DCAF5: variants seen among roughly 807,000 people sequenced by gnomAD.
DCAF5 encodes the protein DDB1 and CUL4 associated factor 5.
In DCAF5, 9 loss-of-function variants were observed where a neutral mutation model predicts 80.7. That is an observed-to-expected ratio of 0.11 (90% CI 0.07 to 0.19). DCAF5 has a LOEUF of 0.19. Among genes scored for constraint, DCAF5 ranks in the 10% least tolerant of loss-of-function variants. The pLI is 1.00. For missense variants in DCAF5, 842 were observed against 1,205.7 expected, an observed-to-expected ratio of 0.70 and a Z score of 4.47; for synonymous variants, 433 against 461.9, an observed-to-expected ratio of 0.94 and a Z score of 0.80.
At chr14:69,075,150 T>C (rs936507587) in intron 7 of DCAF5, among the ~76,000 whole-genome samples, 195 bp downstream of exon 7, 9 of 152,182 alleles carry the variant, frequency 5.9e-5, no homozygotes, top group African/African-American at 2.2e-4. Context: ...TAAGCATCAT[T>C]TATGTCAGAT....
chr14:69,067,018 T>C (rs955500889), intron 7 of DCAF5, among the ~76,000 whole-genome samples: 3 of 152,216 alleles, frequency 2.0e-5, no homozygotes, highest in Admixed American at 6.5e-5. Context: ...CCACTTCCCG[T>C]CTTCCTCTGT....
At chr14:69,064,420 A>G (rs984674476) in intron 7 of DCAF5, among the ~76,000 whole-genome samples, 19 of 152,208 alleles carry the variant, frequency 1.2e-4, no homozygotes, top group African/African-American at 4.6e-4. Context: ...TACTGCCTCA[A>G]AAAGAGGGGG....
intron 1 of DCAF5, among the ~76,000 whole-genome samples, chr14:69,135,155 T>C (rs900018918): frequency 5.9e-5 from 9 of 152,224 alleles, no homozygotes; most frequent in African/African-American, 2.2e-4. Flanking sequence ...CAAAATTTTT[T>C]TCGCAATAAC....
intron 6 of DCAF5, among the ~76,000 whole-genome samples, chr14:69,077,433 G>A (rs1299645186): frequency 6.6e-6 from 1 of 150,710 alleles, no homozygotes; most frequent in Non-Finnish European, 1.5e-5. Context: ...ACCCAGGCTG[G>A]AGTGCAGTGG....
At position 69,055,617 on chromosome 14, in the gene DCAF5, C is replaced by T. The variant is rs774468788; in HGVS notation, c.1075-6G>A. 14 of 1,581,616 alleles carry T rather than the reference C, an allele frequency of 8.9e-6. No individual in the cohort carries two copies. In the South Asian group the frequency reaches 1.5e-4, roughly 17 times the overall value. ...TGCTTGTATGGGCTCCAGATCTGAA[C>T]AGAAAATGAAAAACAAAAGCAACAA... On this transcript the variant is annotated splice_polypyrimidine_tract_variant and splice_region_variant and intron_variant, in intron 8 of 8. Coordinates refer to ENST00000341516, the MANE Select transcript of DCAF5 (RefSeq NM_003861.3). The surrounding 1 kb of genome is among the most constrained non-coding windows in gnomAD (Gnocchi z 5.6).
At chr14:69,136,548 T>G (rs1387079335) in intron 1 of DCAF5, among the ~76,000 whole-genome samples, 1 of 152,228 alleles carries the variant, frequency 6.6e-6, no homozygotes, top group Non-Finnish European at 1.5e-5. Flanking sequence ...TTTTTTTAAT[T>G]TTGGAAAATA....
rs1594928266 is a variant in DCAF5, at chr14:69,060,197, G to C, written c.1074+2187C>G. Among the ~76,000 whole-genome samples, 3 of 152,238 alleles carry C rather than the reference G, an allele frequency of 2.0e-5. No homozygotes were observed. In the East Asian group the frequency reaches 5.8e-4, roughly 30 times the overall value. On this transcript the variant is annotated intron_variant, in intron 8 of 8. Coordinates refer to ENST00000341516, the MANE Select transcript of DCAF5 (RefSeq NM_003861.3). Reference sequence around the variant, plus strand: ...ATGCAAGGGACTGGGCCATTTCAATGACTGCCCTACTGAAAGGATAGAATC... The same window carrying C: ...ATGCAAGGGACTGGGCCATTTCAATCACTGCCCTACTGAAAGGATAGAATC...
intron 5 of DCAF5, among the ~76,000 whole-genome samples, chr14:69,094,756 T>G (rs1179459668): frequency 6.6e-6 from 1 of 152,132 alleles, no homozygotes; most frequent in Non-Finnish European, 1.5e-5. Context: ...TGGCTTCAAG[T>G]GTAAGATGCA....
intron 6 of DCAF5, among the ~76,000 whole-genome samples, chr14:69,080,462 T>G (rs1399143883): frequency 1.3e-5 from 2 of 152,208 alleles, no homozygotes; most frequent in East Asian, 3.8e-4. Context: ...TATTAAAACT[T>G]AAGAAACACA....
At chr14:69,105,943 A>ATATATCTATCTATCTATCTATC (rs1223858774) in intron 5 of DCAF5, among the ~76,000 whole-genome samples, 5 of 74,172 alleles carry the variant, frequency 6.7e-5, no homozygotes, top group African/African-American at 1.9e-4. Flanking sequence ...ATATATATAT[A>ATATATCTATCTATCTATCTATC]TATCTCCTAT....
intron 1 of DCAF5, among the ~76,000 whole-genome samples, chr14:69,147,114 G>A (rs2041561753): frequency 6.6e-6 from 1 of 152,028 alleles, no homozygotes; most frequent in Non-Finnish European, 1.5e-5. Context: ...TGGGAAACAG[G>A]AAATGACCAT....
intron 1 of DCAF5, among the ~76,000 whole-genome samples, chr14:69,127,168 C>T (rs985027480): frequency 6.6e-6 from 1 of 152,164 alleles, no homozygotes; most frequent in Admixed American, 6.5e-5. Context: ...CTTGTATCTA[C>T]ACAAAGACCT....
chr14:69,055,567 G>A lies in DCAF5; in HGVS notation c.1119C>T (p.Asp373=), dbSNP rs775231039. 15 of 1,610,598 alleles carry A rather than the reference G, an allele frequency of 9.3e-6. No homozygotes were observed. Among genetic ancestry groups the A allele is most frequent in the East Asian group, 8.9e-5 (4 of 44,772 alleles). The change falls in exon 9 of 9, where the codon GAC becomes GAT. Residue 373 remains aspartate, a synonymous_variant. Transcript: ENST00000341516. This position sits in a 1 kb window ranked among gnomAD's most constrained non-coding sequence, Gnocchi z 5.6. The part of the protein sequence containing the change: ...YKQPGCTGDL[D]GRIEDDSRCL... Reference sequence around the variant, plus strand: ...AGCGGGAATCGTCCTCAATCCGACCGTCGAGGTCTCCAGTACATCCTGGCT... The same window carrying A: ...AGCGGGAATCGTCCTCAATCCGACCATCGAGGTCTCCAGTACATCCTGGCT...
At chr14:69,119,630 G>T (rs181379045) in intron 2 of DCAF5, among the ~76,000 whole-genome samples, 1 of 151,312 alleles carries the variant, frequency 6.6e-6, no homozygotes, top group African/African-American at 2.4e-5. Flanking sequence ...TGGAAGAATC[G>T]CTTGAGGTCA....
chr14:69,087,410 C>A (rs1395437104), intron 6 of DCAF5, among the ~76,000 whole-genome samples: 1 of 152,150 alleles, frequency 6.6e-6, no homozygotes, highest in Non-Finnish European at 1.5e-5. Flanking sequence ...GAAAGGAATG[C>A]TGTTTTACTG....
chr14:69,139,192 A>G (rs1233503421), intron 1 of DCAF5, among the ~76,000 whole-genome samples: 26 of 152,060 alleles, frequency 1.7e-4, no homozygotes, highest in Admixed American at 1.7e-3. Context: ...GAAGAAAAAA[A>G]GAAAGACAGT....
At chr14:69,105,918 T>TAA (rs2040127578) in intron 5 of DCAF5, among the ~76,000 whole-genome samples, 1 of 43,376 alleles carries the variant, frequency 2.3e-5, no homozygotes, top group Non-Finnish European at 4.4e-5. Flanking sequence ...AACTGTCATA[T>TAA]ATATATATAT....
At chr14:69,112,442 G>GT (rs1396160215) in intron 5 of DCAF5, among the ~76,000 whole-genome samples, 1 of 151,962 alleles carries the variant, frequency 6.6e-6, no homozygotes, top group Admixed American at 6.6e-5. Context: ...ATGTGATTTA[G>GT]TAAGAGAGGG....
At chr14:69,126,393 T>C (rs1458758052) in intron 1 of DCAF5, among the ~76,000 whole-genome samples, 4 of 151,970 alleles carry the variant, frequency 2.6e-5, no homozygotes, top group African/African-American at 7.2e-5. Flanking sequence ...CTGACCTCAG[T>C]TGATCTGCCC....
Sources: allele counts gnomAD v4.1 joint callset (sites outside exome capture counted in the v4.1 genomes callset), GRCh38; gene constraint gnomAD v4.1.1; non-coding constraint Gnocchi (gnomAD v3.1); transcripts MANE v1.5; gene names NCBI Gene and HGNC (gene_info 2026-07-23, HGNC 2026-07-21).